PTPRR: variants seen among roughly 807,000 people sequenced by gnomAD.
PTPRR encodes receptor-type tyrosine-protein phosphatase R.
In PTPRR, 38 loss-of-function variants were observed where a neutral mutation model predicts 77.2. That is an observed-to-expected ratio of 0.49 (90% CI 0.38 to 0.65). The LOEUF (loss-of-function observed/expected upper bound fraction) is 0.65. Ranked by LOEUF, PTPRR falls within the 30% of genes least tolerant of loss-of-function variation. PTPRR has a pLI of 0.00. For synonymous variants in PTPRR, 299 were observed against 283.1 expected (o/e 1.06, Z -0.57); for missense variants, 744 against 799.2 (o/e 0.93, Z 0.83).
rs541397717 is a variant in PTPRR at position 70,758,592 on chromosome 12, C to G, written c.627+2879G>C. ...CTAGGCAAGATGTGTACCAGTCAGT[C>G]CGTGTAGGGCCTTGACTGTGGGAAT... On this transcript the variant is annotated intron_variant, in intron 4 of 13. Transcript: ENST00000283228. 1.5e-3 allele frequency among the ~76,000 whole-genome samples: 227 copies of G among 152,192 alleles called. 4 individuals carry two copies. The highest frequency in any genetic ancestry group is 4.9e-3 in the African/African-American group (203 of 41,522).
intron 2 of PTPRR, among the ~76,000 whole-genome samples, chr12:70,840,944 C>T (rs1441102860): frequency 6.7e-6 from 1 of 148,842 alleles, no homozygotes; most frequent in Non-Finnish European, 1.5e-5. Flanking sequence ...GTAAGACCAA[C>T]TGTCTTTCTG....
chr12:70,808,604 G>T (rs1218583214), intron 2 of PTPRR, among the ~76,000 whole-genome samples: 1 of 152,074 alleles, frequency 6.6e-6, no homozygotes, highest in Non-Finnish European at 1.5e-5. Context: ...ATTATCGGAG[G>T]CAGTTTCCCC....
intron 10 of PTPRR, among the ~76,000 whole-genome samples, chr12:70,681,265 G>A (rs924366050): frequency 2.0e-5 from 3 of 152,152 alleles, no homozygotes; most frequent in East Asian, 3.9e-4. Flanking sequence ...CTCTAGTTGT[G>A]GCTCTGGTTT....
intron 2 of PTPRR, among the ~76,000 whole-genome samples, chr12:70,765,231 G>C (rs1890788555): frequency 6.6e-6 from 1 of 152,240 alleles, no homozygotes; most frequent in African/African-American, 2.4e-5. Flanking sequence ...GGAAGTGCAA[G>C]GGCTCAGGGA....
rs990115776 is a variant in PTPRR at position 70,833,933 on chromosome 12, C to G, written c.357+58746G>C. Among the ~76,000 whole-genome samples the G allele has an allele frequency of 4.5e-4, 68 of 152,296 alleles. 1 individual carries two copies. Among genetic ancestry groups the G allele is most frequent in the African/African-American group, 1.6e-3 (67 of 41,578 alleles). ...CACTTTTAAAAGGGCCTACAATGAT[C>G]TTGGCTCTGACTCTATCAGTGGGCT... is the stretch of plus-strand genomic sequence containing the variant. On this transcript the variant is annotated intron_variant, in intron 2 of 13. Transcript: ENST00000283228.
intron 2 of PTPRR, among the ~76,000 whole-genome samples, chr12:70,890,626 C>T (rs926950198): frequency 1.3e-5 from 2 of 152,134 alleles, no homozygotes; most frequent in Non-Finnish European, 2.9e-5. Context: ...CCTATAATTT[C>T]TCCAGTTCAA....
rs1001834657 is a variant in PTPRR, at chr12:70,761,599, C to T, written c.499G>A (p.Val167Met). 1 of 1,609,992 alleles carries T rather than the reference C, an allele frequency of 6.2e-7. No homozygotes were observed. The highest frequency in any genetic ancestry group is 1.1e-5 in the South Asian group (1 of 90,486). Residue 167 changes from valine (V) to methionine (M), a missense_variant, in exon 4 of 14, where the codon GTG becomes ATG. Around this residue, in one of 3 missense-constraint regions of PTPRR, gnomAD observed 570 missense variants for 573.2 expected, o/e 0.99. Transcript: ENST00000283228. ...IGKKNSIELF[V>M]SPINRKTGIS... Reference sequence around the variant, plus strand: ...CCTGTTTTTCGGTTTATGGGAGACACAAACAGTTCAATACTGTTCTTCTTT... The same window carrying T: ...CCTGTTTTTCGGTTTATGGGAGACATAAACAGTTCAATACTGTTCTTCTTT...
intron 10 of PTPRR, among the ~76,000 whole-genome samples, chr12:70,677,585 C>T (rs75315509): frequency 0.021 from 3,202 of 152,164 alleles, 126 homozygotes; most frequent in African/African-American, 0.073. Flanking sequence ...TACATACTTT[C>T]TGTATCTAAT....
rs118038936 is a variant in PTPRR at position 70,642,853 on chromosome 12, T to C, written c.1881-3576A>G. Reference sequence around the variant, plus strand: ...AAATGTCCTATTGCATATATTGATATATAGAATAGTCTATTGGCTGGATGC... The same window carrying C: ...AAATGTCCTATTGCATATATTGATACATAGAATAGTCTATTGGCTGGATGC... On this transcript the variant is annotated intron_variant, in intron 13 of 13. Transcript: ENST00000283228. Among the ~76,000 whole-genome samples, 8 of 152,302 alleles carry C rather than the reference T, an allele frequency of 5.3e-5. No individual in the cohort carries two copies. In the East Asian group the frequency reaches 1.4e-3, roughly 26 times the overall value.
At chr12:70,778,483 A>G (rs1891136513) in intron 2 of PTPRR, among the ~76,000 whole-genome samples, 1 of 152,156 alleles carries the variant, frequency 6.6e-6, no homozygotes, top group African/African-American at 2.4e-5. Context: ...TCATCTAAAC[A>G]TTTTGGTCTC....
chr12:70,803,181 A>G (rs1232717901), intron 2 of PTPRR, among the ~76,000 whole-genome samples: 1 of 152,178 alleles, frequency 6.6e-6, no homozygotes, highest in Admixed American at 6.5e-5. Flanking sequence ...AAATTGCTGG[A>G]TTGTGCCCCT....
chr12:70,689,748 A>G (rs966517054), intron 8 of PTPRR, among the ~76,000 whole-genome samples: 1 of 152,126 alleles, frequency 6.6e-6, no homozygotes, highest in Non-Finnish European at 1.5e-5. Flanking sequence ...CTTCTTGCCA[A>G]GCATGCTCCG....
intron 2 of PTPRR, among the ~76,000 whole-genome samples, chr12:70,879,365 T>C (rs1185356504): frequency 1.3e-5 from 2 of 151,944 alleles, no homozygotes; most frequent in African/African-American, 4.8e-5. Context: ...ATAAACAATT[T>C]GAAGAATAGA....
chr12:70,700,419 T>A (rs773279325), intron 7 of PTPRR, among the ~76,000 whole-genome samples: 6 of 152,188 alleles, frequency 3.9e-5, no homozygotes, highest in Non-Finnish European at 8.8e-5. Flanking sequence ...ACTGAATTCA[T>A]CATTCTTTTT....
intron 8 of PTPRR, among the ~76,000 whole-genome samples, chr12:70,692,941 T>C (rs942708523): frequency 6.6e-6 from 1 of 152,190 alleles, no homozygotes; most frequent in East Asian, 1.9e-4. Flanking sequence ...TGATTTCTAT[T>C]TGGGATGTGG....
At chr12:70,907,189 T>C (rs1893635484) in intron 1 of PTPRR, among the ~76,000 whole-genome samples, 1 of 152,186 alleles carries the variant, frequency 6.6e-6, no homozygotes, top group African/African-American at 2.4e-5. Context: ...GTCCAATACA[T>C]CTATAATAAA....
chr12:70,913,261 A>G (rs374032804), intron 1 of PTPRR, among the ~76,000 whole-genome samples: 3 of 152,304 alleles, frequency 2.0e-5, no homozygotes, highest in East Asian at 1.9e-4. Context: ...TATACACACA[A>G]AATGAGAGAA....
intron 2 of PTPRR, among the ~76,000 whole-genome samples, chr12:70,840,678 C>T (rs1044358484): frequency 1.3e-5 from 2 of 152,042 alleles, no homozygotes; most frequent in Non-Finnish European, 2.9e-5. Context: ...AAAAATGAAT[C>T]ATCTTAAGAA....
intron 6 of PTPRR, among the ~76,000 whole-genome samples, chr12:70,727,600 A>G (rs932369004): frequency 1.3e-5 from 2 of 152,182 alleles, no homozygotes; most frequent in African/African-American, 4.8e-5. Context: ...TGAAAATTTT[A>G]TATTAGTTAT....
Sources: allele counts gnomAD v4.1 joint callset (sites outside exome capture counted in the v4.1 genomes callset), GRCh38; gene constraint gnomAD v4.1.1; regional missense constraint gnomAD v4.1.1; transcripts MANE v1.5; gene names NCBI Gene and HGNC (gene_info 2026-07-23, HGNC 2026-07-21).